Variants in DEPTOR observed in about 807,000 individuals in gnomAD.
DEPTOR encodes the protein DEP domain containing MTOR interacting protein.
A neutral mutation model predicts 41.6 loss-of-function variants in DEPTOR; 41 were observed. That is an observed-to-expected ratio of 0.98 (90% CI 0.77 to 1.28). DEPTOR has a LOEUF of 1.28. Ranked by LOEUF, DEPTOR falls within the 50% of genes most tolerant of loss-of-function variation. The probability of loss-of-function intolerance (pLI) is 0.00; values close to 1 mark genes in which losing one functional copy is unlikely to be tolerated. For synonymous variants in DEPTOR, 195 were observed against 192.3 expected, an observed-to-expected ratio of 1.01 and a Z score of -0.12; for missense variants, 514 against 527.9, an observed-to-expected ratio of 0.97 and a Z score of 0.26.
intron 1 of DEPTOR, among the ~76,000 whole-genome samples, chr8:119,910,463 A>G (rs902669786): frequency 2.6e-5 from 4 of 151,044 alleles, no homozygotes; most frequent in African/African-American, 9.7e-5. Context: ...TTTATTTTTT[A>G]TTTTTTTGAG....
intron 1 of DEPTOR, among the ~76,000 whole-genome samples, chr8:119,912,240 G>C (rs1827755157): frequency 6.6e-6 from 1 of 152,084 alleles, no homozygotes; most frequent in South Asian, 2.1e-4. Flanking sequence ...AATTGGAAGA[G>C]GAAAATAATG....
chr8:119,956,815 A>T (rs1337173111), intron 3 of DEPTOR, among the ~76,000 whole-genome samples: 1 of 148,474 alleles, frequency 6.7e-6, no homozygotes, highest in Non-Finnish European at 1.5e-5. Context: ...GCTCACTGTA[A>T]CGTCTGCCTC....
chr8:119,918,230 C>T (rs1399300226), intron 1 of DEPTOR, among the ~76,000 whole-genome samples: 1 of 152,120 alleles, frequency 6.6e-6, no homozygotes, highest in Non-Finnish European at 1.5e-5. Flanking sequence ...GAGAAAAACC[C>T]ACAGGTGTGG....
intron 1 of DEPTOR, among the ~76,000 whole-genome samples, chr8:119,883,549 G>A (rs139059883): frequency 6.6e-6 from 1 of 151,670 alleles, no homozygotes; most frequent in African/African-American, 2.4e-5. Context: ...TTGCTAGGGT[G>A]TAGCAAAAGG....
chr8:120,014,392 C>T (rs568364085), intron 8 of DEPTOR, among the ~76,000 whole-genome samples: 26 of 152,234 alleles, frequency 1.7e-4, no homozygotes, highest in African/African-American at 6.0e-4. Flanking sequence ...AAGGCTCTTT[C>T]GCTACAGGAG....
intron 8 of DEPTOR, among the ~76,000 whole-genome samples, chr8:120,020,671 T>C (rs1812688395): frequency 6.6e-6 from 1 of 152,330 alleles, no homozygotes; most frequent in Admixed American, 6.5e-5. Flanking sequence ...TTGCCTTAAG[T>C]GTCAGACATG....
At chr8:119,968,835 G>A (rs1828596206) in intron 4 of DEPTOR, among the ~76,000 whole-genome samples, 1 of 152,028 alleles carries the variant, frequency 6.6e-6, no homozygotes, top group African/African-American at 2.4e-5. Context: ...GGTTACAGTT[G>A]GTTCTTTCAT....
At chr8:119,893,085 CTT>C in intron 1 of DEPTOR, among the ~76,000 whole-genome samples, 2 of 152,142 alleles carry the variant, frequency 1.3e-5, no homozygotes, top group Admixed American at 1.3e-4. Context: ...GCCTGGCAGA[CTT>C]TATTATAATT....
At chr8:120,000,296 C>T (rs1240727336) in intron 4 of DEPTOR, among the ~76,000 whole-genome samples, 2 of 152,074 alleles carry the variant, frequency 1.3e-5, no homozygotes, top group Admixed American at 6.6e-5. Flanking sequence ...ATACCCCTCC[C>T]AAACCAACCC....
At chr8:119,905,743 C>T (rs1030825866) in intron 1 of DEPTOR, among the ~76,000 whole-genome samples, 30 of 151,240 alleles carry the variant, frequency 2.0e-4, no homozygotes, top group African/African-American at 5.4e-4. Flanking sequence ...CAGGTTCAAG[C>T]GATTCTCCTG....
chr8:119,917,043 T>C (rs1231870052), intron 1 of DEPTOR, among the ~76,000 whole-genome samples: 1 of 152,220 alleles, frequency 6.6e-6, no homozygotes, highest in Non-Finnish European at 1.5e-5. Context: ...GTGCTGGGAT[T>C]ATAGACGTGA....
chr8:119,882,002 C>T (rs541113876), intron 1 of DEPTOR, among the ~76,000 whole-genome samples: 6 of 152,202 alleles, frequency 3.9e-5, no homozygotes, highest in East Asian at 1.9e-4. Flanking sequence ...GTGATTGTCC[C>T]GCCTCAGCGT....
chr8:119,951,167 T>C (rs1449626809), intron 3 of DEPTOR, among the ~76,000 whole-genome samples: 1 of 152,178 alleles, frequency 6.6e-6, no homozygotes, highest in Admixed American at 6.6e-5. Context: ...CTTTATTTAC[T>C]CCTCCTTTCT....
intron 1 of DEPTOR, among the ~76,000 whole-genome samples, chr8:119,916,698 C>T (rs1245254642): frequency 6.6e-6 from 1 of 152,166 alleles, no homozygotes; most frequent in East Asian, 1.9e-4. Context: ...AAAATCACAT[C>T]AGACTTGTTC....
chr8:119,890,518 G>A (rs1458012825), intron 1 of DEPTOR, among the ~76,000 whole-genome samples: 1 of 152,002 alleles, frequency 6.6e-6, no homozygotes, highest in Non-Finnish European at 1.5e-5. Flanking sequence ...GGCCAGGCTG[G>A]TCTTGATCTC....
At chr8:120,041,252 A>AT (rs1478215482) in intron 8 of DEPTOR, among the ~76,000 whole-genome samples, 1 of 152,230 alleles carries the variant, frequency 6.6e-6, no homozygotes, top group Non-Finnish European at 1.5e-5. Context: ...CCCACTTTGG[A>AT]TGAAACAATT....
intron 3 of DEPTOR, among the ~76,000 whole-genome samples, chr8:119,943,876 T>C (rs192726758): frequency 0.018 from 2,691 of 152,256 alleles, 69 homozygotes; most frequent in African/African-American, 0.062. Flanking sequence ...CTCGTTTTGT[T>C]GCCCAGGCTG....
At chr8:120,001,394 T>A (rs1282289645) in intron 4 of DEPTOR, 131 bp from the exon 5 acceptor site, 6 of 752,600 alleles carry the variant, frequency 8.0e-6, no homozygotes, top group Admixed American at 3.2e-5. Context: ...GGGCGGCAGC[T>A]CATGTGGCAT....
intron 3 of DEPTOR, among the ~76,000 whole-genome samples, chr8:119,934,759 A>G (rs1828087681): frequency 6.6e-6 from 1 of 152,230 alleles, no homozygotes; most frequent in East Asian, 1.9e-4. Context: ...TGCATAGCAG[A>G]TAACAGCCCA....
Sources: allele counts gnomAD v4.1 joint callset (sites outside exome capture counted in the v4.1 genomes callset), GRCh38; gene constraint gnomAD v4.1.1; transcripts MANE v1.5; gene names NCBI Gene and HGNC (gene_info 2026-07-23, HGNC 2026-07-21).